Variants in ZNF783 observed in about 807,000 individuals in gnomAD.
The protein encoded by ZNF783 is zinc finger protein 783.
In ZNF783, 25 loss-of-function variants were observed where a neutral mutation model predicts 31.3. That is an observed-to-expected ratio of 0.80 (90% confidence interval 0.58 to 1.11). ZNF783 has a LOEUF of 1.11. ZNF783 is among the 50% of genes most tolerant of loss of function. The pLI, the probability that ZNF783 is intolerant of heterozygous loss-of-function variation, is 0.00. For synonymous variants in ZNF783, 369 were observed against 319.1 expected (o/e 1.16, Z -1.66); for missense variants, 797 against 760.0 (o/e 1.05, Z -0.57).
intron 4 of ZNF783, among the ~76,000 whole-genome samples, chr7:149,275,140 T>G (rs1797297845): frequency 6.6e-6 from 1 of 152,108 alleles, no homozygotes; most frequent in Admixed American, 6.5e-5. Context: ...TTCCTAGGTA[T>G]TTTATTTTAT....
chr7:149,276,678 T>TTTATTTATTTAG, intron 4 of ZNF783: 4 of 923,800 alleles, frequency 4.3e-6, no homozygotes, highest in Non-Finnish European at 5.2e-6. Flanking sequence ...TATTTATTTA[T>TTTATTTATTTAG]TTATTTATTT....
At chr7:149,263,820 T>C (rs1796999076) in intron 1 of ZNF783, among the ~76,000 whole-genome samples, 1 of 152,224 alleles carries the variant, frequency 6.6e-6, no homozygotes, top group African/African-American at 2.4e-5. Flanking sequence ...TGGATACTTT[T>C]ATTAAAGTAT....
At chr7:149,277,883 T>G (rs1251923391) in intron 4 of ZNF783, 1 of 160,192 alleles carries the variant, frequency 6.2e-6, no homozygotes, top group Non-Finnish European at 1.4e-5. Context: ...GGGCACTGAT[T>G]AAACATGTAT....
rs1244200696 is a variant in ZNF783 at position 149,282,430 on chromosome 7, TTTG to T, written c.*93_*95del. The T allele has an allele frequency of 1.7e-6, 2 of 1,197,660 alleles. No individual in the cohort carries two copies. Among genetic ancestry groups the T allele is most frequent in the African/African-American group, 1.6e-5 (1 of 64,144 alleles). The allele number at this position is 1,197,660 out of a possible 1,614,324, so 74.2% of individuals were successfully genotyped here. On this transcript the variant is annotated 3_prime_UTR_variant, in exon 6 of 6. Transcript: ENST00000434415. Reference sequence around the variant, plus strand: ...TTCCTTTTCCTGGGATGGAGAGAGGTTTGTTGTTTTTACCCATTCAAATGGGAA... The same window carrying T: ...TTCCTTTTCCTGGGATGGAGAGAGGTTTGTTTTTACCCATTCAAATGGGAA...
chr7:149,262,451 G>C, intron 1 of ZNF783, 94 bp downstream of exon 1: 1 of 1,043,568 alleles, frequency 9.6e-7, no homozygotes, highest in Non-Finnish European at 1.2e-6. Context: ...GCCGCGGGGT[G>C]AGAGGGCCTT....
At chr7:149,271,151 G>A (rs1797202022) in intron 4 of ZNF783, among the ~76,000 whole-genome samples, 1 of 152,206 alleles carries the variant, frequency 6.6e-6, no homozygotes, top group Admixed American at 6.5e-5. Context: ...TGTTAGCCAA[G>A]ATGGTCTCGA....
chr7:149,266,269 T>A (rs1259628138), intron 1 of ZNF783, 66 bp from the exon 2 acceptor site: 2 of 1,442,520 alleles, frequency 1.4e-6, no homozygotes, highest in Non-Finnish European at 1.8e-6. Context: ...CCGAAGTGTG[T>A]TTTTGAGGTG....
rs1210531701 is a variant in ZNF783 at position 149,267,126 on chromosome 7, A to G, written c.577A>G (p.Thr193Ala). The G allele has an allele frequency of 6.3e-7, 1 of 1,599,450 alleles. No homozygotes were observed. The highest frequency in any genetic ancestry group is 8.5e-7 in the Non-Finnish European group (1 of 1,179,748). ...DYAISKPDILTRIERGEEPCL... is the reference protein window; with the variant it reads ...DYAISKPDILARIERGEEPCL... ...TGCAATCTCCAAACCAGACATCCTC[A>G]CCCGGATAGAGAGGGGAGAGGAGCC... Residue 193 changes from threonine to alanine, a missense_variant, in exon 4 of 6, where the codon ACC becomes GCC. Thr to Ala is a moderately conservative substitution (Grantham distance 58). Coordinates refer to ENST00000434415, the MANE Select transcript of ZNF783 (RefSeq NM_001195220.2).
At position 149,281,922 on chromosome 7, in the gene ZNF783, G is replaced by A. The variant is rs200388581; in HGVS notation, c.1220G>A (p.Arg407His). Reference sequence around the variant, plus strand: ...GTGGTGGTACCCGGCCCTGTCATCCGCTGGCTCCCCGAGGAGCCTGAGGGT... The same window carrying A: ...GTGGTGGTACCCGGCCCTGTCATCCACTGGCTCCCCGAGGAGCCTGAGGGT... Reference protein sequence around the residue: ...GEVVVPGPVIRWLPEEPEGRR... With the variant: ...GEVVVPGPVIHWLPEEPEGRR... Residue 407 changes from arginine (R) to histidine (H), a missense_variant, in exon 6 of 6, where the codon CGC becomes CAC. Transcript: ENST00000434415. The A allele has an allele frequency of 6.4e-4, 983 of 1,531,702 alleles. 1 individual carries two copies. Among genetic ancestry groups the A allele is most frequent in the Non-Finnish European group, 7.8e-4 (894 of 1,143,720 alleles). The allele number at this position is 1,531,702 out of a possible 1,614,324, so 94.9% of individuals were successfully genotyped here. A position where few individuals can be genotyped will look rare whatever the true frequency, so the allele number is the denominator to read the frequency against.
In ZNF783 at chr7:149,264,023, T is replaced by C. The variant is rs139800228; in HGVS notation, c.24+1666T>C. Among the ~76,000 whole-genome samples, 550 of 152,296 alleles carry C rather than the reference T, an allele frequency of 3.6e-3. 3 individuals are homozygous for C. Among genetic ancestry groups the C allele is most frequent in the African/African-American group, 0.013 (528 of 41,564 alleles). ...GCTTCACTACCTTTCAGATCACTCC[T>C]GTCCACCTGCTCCTCCCTTCTTGCA... On this transcript the variant is annotated intron_variant, in intron 1 of 5. Coordinates refer to ENST00000434415, the MANE Select transcript of ZNF783 (RefSeq NM_001195220.2).
At position 149,282,067 on chromosome 7, in the gene ZNF783, G is replaced by A; in HGVS notation, c.1365G>A (p.Gln455=). ...AGCGCAAGAGCCTGCTGCTGCACCA[G>A]CGCCTGCACACCGGCAATGGCCAGG... ...FQQRKSLLLH[Q]RLHTGNGQGW... The change falls in exon 6 of 6, where the codon CAG becomes CAA. Residue 455 remains glutamine (Q), a synonymous_variant. Transcript: ENST00000434415. The A allele has an allele frequency of 2.5e-6, 4 of 1,595,596 alleles. No individual in the cohort carries two copies. Among genetic ancestry groups the A allele is most frequent in the Non-Finnish European group, 3.4e-6 (4 of 1,178,566 alleles).
intron 5 of ZNF783, among the ~76,000 whole-genome samples, chr7:149,279,220 T>C (rs1236945518): frequency 2.0e-5 from 3 of 152,192 alleles, no homozygotes; most frequent in Non-Finnish European, 4.4e-5. Flanking sequence ...GGTTTCTCTT[T>C]CCAGCCAGTG....
At chr7:149,271,336 G>A (rs4727035) in intron 4 of ZNF783, among the ~76,000 whole-genome samples, 110,493 of 152,190 alleles carry the variant, frequency 0.73, 41,536 homozygotes, top group African/African-American at 0.93. Context: ...CTTATATCCA[G>A]TCCTACCACT....
Position 149,282,464 on chromosome 7 carries a change from C to A in ZNF783, c.*121C>A. On this transcript the variant is annotated 3_prime_UTR_variant, in exon 6 of 6. Transcript: ENST00000434415. ...TTTACCCATTCAAATGGGAAGCTAG[C>A]TGCCCTTCTGGTGACATTGTGTGTG... 1.1e-6 allele frequency: 1 copy of A among 903,060 alleles called. No homozygotes were observed. The highest frequency in any genetic ancestry group is 1.6e-6 in the Non-Finnish European group (1 of 621,090). 55.9% of individuals were successfully genotyped at this position (903,060 alleles called of 1,614,324 possible). A position where few individuals can be genotyped will look rare whatever the true frequency, so the allele number is the denominator to read the frequency against.
chr7:149,263,378 A>G (rs969341365), intron 1 of ZNF783, among the ~76,000 whole-genome samples: 2 of 139,072 alleles, frequency 1.4e-5, no homozygotes, highest in Admixed American at 7.3e-5. Context: ...TAGTGGCGGG[A>G]TCTCATCTCA....
chr7:149,264,020 T>G (rs1797002613), intron 1 of ZNF783, among the ~76,000 whole-genome samples: 1 of 152,114 alleles, frequency 6.6e-6, no homozygotes, highest in African/African-American at 2.4e-5. Flanking sequence ...TTCAGATCAC[T>G]CCTGTCCACC....
chr7:149,282,030 G>C lies in ZNF783; in HGVS notation c.1328G>C (p.Arg443Pro). The change falls in exon 6 of 6, where the codon CGC becomes CCC. Residue 443 changes from arginine to proline, a missense_variant. Transcript: ENST00000434415. Reference protein sequence around the residue: ...SKMYHCSECLRFFQQRKSLLL... With the variant: ...SKMYHCSECLPFFQQRKSLLL... ...ATGTACCACTGCAGCGAGTGCCTGC[G>C]CTTCTTCCAGCAGCGCAAGAGCCTG... The C allele has an allele frequency of 1.3e-6, 2 of 1,588,686 alleles. No homozygotes were observed. The highest frequency in any genetic ancestry group is 2.2e-5 in the South Asian group (2 of 89,868).
chr7:149,282,360 AG>A lies in ZNF783; in HGVS notation c.*18del, dbSNP rs765236320. The A allele has an allele frequency of 2.6e-4, 388 of 1,471,936 alleles. 1 individual carries two copies. In the East Asian group the frequency reaches 4.8e-3, roughly 18 times the overall value. 91.2% of individuals were successfully genotyped at this position (1,471,936 alleles called of 1,614,324 possible). ...GAGGGCTGACCTGGCAGGAGCCCAC[AG>A]AGGACCCCTGGCGGGGTCTCTCCCC... On this transcript the variant is annotated 3_prime_UTR_variant, in exon 6 of 6. Coordinates refer to ENST00000434415, the MANE Select transcript of ZNF783 (RefSeq NM_001195220.2).
chr7:149,262,235 T>C lies in ZNF783; in HGVS notation c.-99T>C, dbSNP rs1796940761. The C allele has an allele frequency of 8.7e-6, 10 of 1,143,400 alleles. No individual in the cohort carries two copies. The South Asian group carries it at 2.2e-4, about 25-fold the overall frequency. 70.8% of individuals were successfully genotyped at this position (1,143,400 alleles called of 1,614,324 possible). A position where few individuals can be genotyped will look rare whatever the true frequency, so the allele number is the denominator to read the frequency against. Reference sequence around the variant, plus strand: ...TGCCGCCCGGCAGTAGCTCTCAGGTTAGGCGGGTCCCGCTCCGCTTCCGCC... The same window carrying C: ...TGCCGCCCGGCAGTAGCTCTCAGGTCAGGCGGGTCCCGCTCCGCTTCCGCC... On this transcript the variant is annotated 5_prime_UTR_variant, in exon 1 of 6. Transcript: ENST00000434415.
Sources: gnomAD v4.1 joint callset for allele counts (sites outside exome capture counted in the v4.1 genomes callset) on GRCh38, gnomAD v4.1.1 for gene constraint, MANE v1.5 for transcripts, NCBI Gene and HGNC (gene_info 2026-07-23, HGNC 2026-07-21) for gene names.